The following ABCC12 variants were observed in gnomAD, a reference collection of about 807,000 sequenced individuals.
ABCC12 encodes the protein ATP binding cassette subfamily C member 12, also known as ATP-binding cassette sub-family C member 12.
ABCC12 carries 142 observed loss-of-function variants against 151.1 expected under a neutral mutation model. That is an observed-to-expected ratio of 0.94 (90% confidence interval 0.82 to 1.08). ABCC12 has a LOEUF of 1.08. ABCC12 is among the 50% of genes least tolerant of loss of function. The pLI is 0.00. For synonymous variants in ABCC12, 645 were observed against 646.4 expected (o/e 1.00, Z 0.03); for missense variants, 1,638 against 1,691.1 (o/e 0.97, Z 0.55).
At chr16:48,112,555 A>G (rs1963733828) in intron 15 of ABCC12, among the ~76,000 whole-genome samples, 1 of 152,226 alleles carries the variant, frequency 6.6e-6, no homozygotes, top group African/African-American at 2.4e-5. Flanking sequence ...AGAAGGTGCC[A>G]CTGCACTCCA....
intron 22 of ABCC12, 34 bp downstream of exon 22, chr16:48,104,108 A>G (rs767379422): frequency 1.3e-6 from 2 of 1,593,070 alleles, no homozygotes; most frequent in Non-Finnish European, 1.7e-6. Flanking sequence ...GTGTGTGTGT[A>G]TCGTTTTCTC....
Position 48,139,073 on chromosome 16 carries a change from T to G in ABCC12, c.831+90A>C, listed in dbSNP as rs974683859. On this transcript the variant is annotated intron_variant, in intron 7 of 30. Transcript: ENST00000311303. The stretch of plus-strand genomic sequence containing the variant: ...AGTACAAAATGGGGCACAGGCTTCA[T>G]GCGCCAGAAATGCAGCCTTCCACCC... 3.0e-5 allele frequency: 42 copies of G among 1,413,796 alleles called. No individual in the cohort carries two copies. The South Asian group carries it at 3.9e-4, about 13-fold the overall frequency. The allele number at this position is 1,413,796 out of a possible 1,614,324, so 87.6% of individuals were successfully genotyped here. A position where few individuals can be genotyped will look rare whatever the true frequency, so the allele number is the denominator to read the frequency against.
chr16:48,126,734 C>T (rs1416121480), intron 11 of ABCC12, among the ~76,000 whole-genome samples: 1 of 152,210 alleles, frequency 6.6e-6, no homozygotes, highest in African/African-American at 2.4e-5. Flanking sequence ...GGGCCTGGAA[C>T]TGGGGTCCCT....
At chr16:48,141,753 G>A (rs1964824291) in intron 4 of ABCC12, among the ~76,000 whole-genome samples, 1 of 152,232 alleles carries the variant, frequency 6.6e-6, no homozygotes, top group Admixed American at 6.5e-5. Context: ...GCACAAAGAG[G>A]AGGGGCTGAT....
chr16:48,107,575 A>G, intron 19 of ABCC12, 150 bp from the exon 20 acceptor site: 1 of 652,526 alleles, frequency 1.5e-6, no homozygotes. Context: ...CTGATGCAGC[A>G]CATCTGAGTG....
intron 11 of ABCC12, among the ~76,000 whole-genome samples, chr16:48,124,909 G>A (rs1964189876): frequency 6.6e-6 from 1 of 152,244 alleles, no homozygotes; most frequent in African/African-American, 2.4e-5. Flanking sequence ...GTCAGGGGAA[G>A]ATGGACAGGA....
At chr16:48,116,081 T>C (rs1963874016) in intron 14 of ABCC12, among the ~76,000 whole-genome samples, 1 of 152,194 alleles carries the variant, frequency 6.6e-6, no homozygotes. Flanking sequence ...CCTAGGCAAC[T>C]CTAAGCACTG....
chr16:48,143,842 A>G (rs1004502773), intron 4 of ABCC12, 68 bp downstream of exon 4: 4 of 1,524,904 alleles, frequency 2.6e-6, no homozygotes, highest in Non-Finnish European at 3.5e-6. Flanking sequence ...TAAATTACCC[A>G]CTCTCAGGTA....
intron 27 of ABCC12, 91 bp from the exon 28 acceptor site, chr16:48,086,910 G>T: frequency 9.4e-7 from 1 of 1,060,842 alleles, no homozygotes; most frequent in South Asian, 1.3e-5. Context: ...TGTGGAGGAG[G>T]GTAGGAGGTG....
chr16:48,126,944 G>A (rs967490247), intron 11 of ABCC12, among the ~76,000 whole-genome samples: 6 of 152,184 alleles, frequency 3.9e-5, no homozygotes, highest in Admixed American at 2.0e-4. Context: ...GGAAGTTCAC[G>A]GAGGCCTCTT....
Position 48,107,554 on chromosome 16 carries a change from C to T in ABCC12, c.2372-129G>A, listed in dbSNP as rs574133579. The T allele has an allele frequency of 2.1e-4, 153 of 719,998 alleles. 3 individuals carry two copies. In the South Asian group the frequency reaches 2.5e-3, roughly 12 times the overall value. 44.6% of individuals were successfully genotyped at this position (719,998 alleles called of 1,614,324 possible). ...GAAAAGGACTCCCACGCCTGGAAAC[C>T]ACCTGCTAGACTGATGCAGCACATC... On this transcript the variant is annotated intron_variant, in intron 19 of 30. Transcript: ENST00000311303.
Position 48,115,414 on chromosome 16 carries a change from C to A in ABCC12, c.1989+1G>T. 6.2e-7 allele frequency: 1 copy of A among 1,613,848 alleles called. No homozygotes were observed. Among genetic ancestry groups the A allele is most frequent in the Non-Finnish European group, 8.5e-7 (1 of 1,179,844 alleles). ...CTCCTGGATCCTGCATGTCCCATCA[C>A]CTGTAGCTGGTGGGTCACCAGGACG... is the stretch of plus-strand genomic sequence containing the variant. On this transcript the variant is annotated splice_donor_variant, in intron 15 of 30. Coordinates refer to ENST00000311303, the MANE Select transcript of ABCC12 (RefSeq NM_001393797.1). LOFTEE classifies it high-confidence loss of function.
At chr16:48,121,508 G>T in intron 13 of ABCC12, 1 of 553,954 alleles carries the variant, frequency 1.8e-6, no homozygotes. Flanking sequence ...CCTCTTCCCA[G>T]TGTGCAGTCG....
Position 48,141,249 on chromosome 16 carries a change from A to T in ABCC12, c.380T>A (p.Ile127Asn). The T allele has an allele frequency of 6.2e-7, 1 of 1,614,164 alleles. No individual in the cohort carries two copies. Among genetic ancestry groups the T allele is most frequent in the Non-Finnish European group, 8.5e-7 (1 of 1,180,018 alleles). Residue 127 changes from isoleucine to asparagine, a missense_variant, in exon 5 of 31, where the codon ATC becomes AAC. Ile to Asn is a moderately radical substitution (Grantham distance 149, BLOSUM62 -3). Coordinates refer to ENST00000311303, the MANE Select transcript of ABCC12 (RefSeq NM_001393797.1). The part of the protein sequence containing the change: ...KFQRTRVLMD[I>N]VANILCIIMA... ...GATGATGCACAGGATGTTGGCCACG[A>T]TGTCCATCAACACGCGTGTCCTCTG... is the stretch of plus-strand genomic sequence containing the variant.
rs1157618118 is a variant in ABCC12 at position 48,130,880 on chromosome 16, C to T, written c.1144G>A (p.Ala382Thr). 2 of 1,611,658 alleles carry T rather than the reference C, an allele frequency of 1.2e-6. No homozygotes were observed. Among genetic ancestry groups the T allele is most frequent in the African/African-American group, 1.3e-5 (1 of 74,914 alleles). Residue 382 changes from alanine to threonine, a missense_variant, in exon 10 of 31, where the codon GCC becomes ACC. Transcript: ENST00000311303. ...LTAPVAFSVI[A>T]MFNVMKFSIA... Reference sequence around the variant, plus strand: ...GAAAACTTCATTACATTAAACATGGCAATCACACTAAATGCCTGAAGAACA... The same window carrying T: ...GAAAACTTCATTACATTAAACATGGTAATCACACTAAATGCCTGAAGAACA...
At position 48,088,075 on chromosome 16, in the gene ABCC12, C is replaced by T. The variant is rs368132634; in HGVS notation, c.3486G>A (p.Ser1162=). Residue 1162 remains serine (S), a synonymous_variant, in exon 27 of 31, where the codon TCG becomes TCA. Transcript: ENST00000311303. ...IVGRTGSGKS[S]LGMALFRLVE... is the part of the protein sequence containing the mutation. ...CCAGACGAAACAAAGCCATTCCTAA[C>T]GATGACTTTCCTGGGAACCATAAAA... 2.3e-5 allele frequency: 37 copies of T among 1,613,614 alleles called. No homozygotes were observed. The highest frequency in any genetic ancestry group is 6.7e-5 in the Admixed American group (4 of 59,916).
Position 48,105,134 on chromosome 16 carries a change from C to T in ABCC12, c.2673+5G>A, listed in dbSNP as rs769792638. 6.2e-7 allele frequency: 1 copy of T among 1,614,098 alleles called. No homozygotes were observed. Among genetic ancestry groups the T allele is most frequent in the East Asian group, 2.2e-5 (1 of 44,868 alleles). On this transcript the variant is annotated splice_donor_5th_base_variant and intron_variant, in intron 21 of 30. Transcript: ENST00000311303. ...TGGGTACACCTGCAATGCTTGTGGCCCTACCTTATCAAACACCGTGTCATG... is the reference window on the plus strand; with the variant it reads ...TGGGTACACCTGCAATGCTTGTGGCTCTACCTTATCAAACACCGTGTCATG...
chr16:48,083,759 C>T lies in ABCC12; in HGVS notation c.4036G>A (p.Asp1346Asn), dbSNP rs753242089. The change falls in exon 31 of 31, where the codon GAT becomes AAT. Residue 1346 changes from aspartate (D) to asparagine (N), a missense_variant. Physicochemically the swap from Asp to Asn is conservative, Grantham distance 23. Transcript: ENST00000311303. ...DKPEVLAEKP[D>N]SAFAMLLAAE... The stretch of plus-strand genomic sequence containing the variant: ...GCTAGTAACATCGCAAATGCAGAAT[C>T]TGGCTTCTCTGCAAGGACTTCAGGC... 2 of 1,614,230 alleles carry T rather than the reference C, an allele frequency of 1.2e-6. No individual in the cohort carries two copies. Among genetic ancestry groups the T allele is most frequent in the East Asian group, 2.2e-5 (1 of 44,886 alleles).
chr16:48,084,334 A>T (rs1962491686), intron 29 of ABCC12, among the ~76,000 whole-genome samples: 1 of 152,226 alleles, frequency 6.6e-6, no homozygotes, highest in Admixed American at 6.5e-5. Context: ...TAAGTGGTTT[A>T]TTCTAACCCT....
Sources: gnomAD v4.1 joint callset for allele counts (sites outside exome capture counted in the v4.1 genomes callset) on GRCh38, gnomAD v4.1.1 for gene constraint, MANE v1.5 for transcripts, NCBI Gene and HGNC (gene_info 2026-07-23, HGNC 2026-07-21) for gene names.